The following CUL5 variants were observed in gnomAD, a reference collection of about 807,000 sequenced individuals.
CUL5 encodes the protein cullin 5, also known as cullin-5.
A neutral mutation model predicts 108.8 loss-of-function variants in CUL5; 26 were observed. The observed-to-expected ratio is 0.24, with a 90% CI of 0.18 to 0.33. The LOEUF (loss-of-function observed/expected upper bound fraction) is 0.33, where lower values mean the gene tolerates loss of function less well. CUL5 is among the 10% of genes least tolerant of loss of function. The pLI, the probability that CUL5 is intolerant of heterozygous loss-of-function variation, is 1.00. For missense variants in CUL5, 524 were observed against 909.2 expected (o/e 0.58, Z 5.45); for synonymous variants, 334 against 298.0 (o/e 1.12, Z -1.25).
At chr11:108,040,828 A>G (rs1330507219) in intron 2 of CUL5, among the ~76,000 whole-genome samples, 1 of 152,136 alleles carries the variant, frequency 6.6e-6, no homozygotes, top group African/African-American at 2.4e-5. Context: ...ACAGCAAGGC[A>G]GAGAAGTAAC....
At chr11:108,059,256 G>A (rs1276331720) in intron 7 of CUL5, among the ~76,000 whole-genome samples, 1 of 152,116 alleles carries the variant, frequency 6.6e-6, no homozygotes, top group Admixed American at 6.6e-5. Context: ...TATTTCCTGG[G>A]GAAATTCAAT....
chr11:108,094,622 G>C (rs1175414160), intron 14 of CUL5, 108 bp downstream of exon 14: 2 of 820,520 alleles, frequency 2.4e-6, no homozygotes, highest in East Asian at 2.9e-5. Flanking sequence ...AAGATGTTAT[G>C]AAGTCCATTT....
chr11:108,022,353 A>G (rs1460840137), intron 1 of CUL5, among the ~76,000 whole-genome samples: 2 of 152,074 alleles, frequency 1.3e-5, no homozygotes, highest in African/African-American at 4.8e-5. Flanking sequence ...ATTTTTGTTT[A>G]CATTCTTGTG....
chr11:108,028,779 G>A (rs891729368), intron 1 of CUL5, among the ~76,000 whole-genome samples: 8 of 151,936 alleles, frequency 5.3e-5, no homozygotes, highest in Admixed American at 2.0e-4. Context: ...AGCCGAGATC[G>A]CCCCATTGTA....
chr11:108,091,996 G>A (rs1230590555), intron 13 of CUL5, among the ~76,000 whole-genome samples: 1 of 152,130 alleles, frequency 6.6e-6, no homozygotes, highest in Non-Finnish European at 1.5e-5. Context: ...AATCAGCTAG[G>A]CATGGTGATG....
intron 2 of CUL5, among the ~76,000 whole-genome samples, chr11:108,034,317 G>A (rs1395458825): frequency 1.3e-5 from 2 of 152,162 alleles, no homozygotes; most frequent in Admixed American, 6.5e-5. Flanking sequence ...TGGAGACTCA[G>A]TACTCAGGAT....
chr11:108,060,874 T>C lies in CUL5; in HGVS notation c.780+5919T>C, dbSNP rs1017781025. Reference sequence around the variant, plus strand: ...TCTACCATGTCTCGTAGCCTACCTGTCTCACCTTTCATTTTCCAGACCTAT... The same window carrying C: ...TCTACCATGTCTCGTAGCCTACCTGCCTCACCTTTCATTTTCCAGACCTAT... On this transcript the variant is annotated intron_variant, in intron 7 of 18. Coordinates refer to ENST00000393094, the MANE Select transcript of CUL5 (RefSeq NM_003478.6). 5.3e-5 allele frequency among the ~76,000 whole-genome samples: 8 copies of C among 152,118 alleles called. No individual in the cohort carries two copies. In the South Asian group the frequency reaches 1.5e-3, roughly 28 times the overall value.
chr11:108,068,985 T>G (rs186368549), intron 7 of CUL5, among the ~76,000 whole-genome samples: 1 of 152,228 alleles, frequency 6.6e-6, no homozygotes, highest in Admixed American at 6.5e-5. Context: ...GGGCCAGGCC[T>G]GATGGTTCAC....
At chr11:108,052,892 C>T in intron 5 of CUL5, 91 bp downstream of exon 5, 2 of 1,093,760 alleles carry the variant, frequency 1.8e-6, no homozygotes, top group Admixed American at 3.0e-5. Flanking sequence ...AGTTTATTGG[C>T]ATACAAAGTT....
intron 1 of CUL5, among the ~76,000 whole-genome samples, chr11:108,023,260 A>G (rs1051445816): frequency 1.3e-5 from 2 of 152,188 alleles, no homozygotes; most frequent in Admixed American, 1.3e-4. Context: ...AAACAAAACA[A>G]ACAAAAAAAA....
intron 1 of CUL5, among the ~76,000 whole-genome samples, chr11:108,013,147 C>T (rs1862095018): frequency 6.6e-6 from 1 of 152,098 alleles, no homozygotes; most frequent in Admixed American, 6.5e-5. Context: ...TTGCTCATTT[C>T]CTCTGCTTCT....
At chr11:108,013,471 C>T (rs1862103792) in intron 1 of CUL5, among the ~76,000 whole-genome samples, 1 of 152,178 alleles carries the variant, frequency 6.6e-6, no homozygotes, top group Non-Finnish European at 1.5e-5. Flanking sequence ...CTAGTATTCT[C>T]TCTCTCTGTC....
chr11:108,077,917 C>G (rs924642376), intron 10 of CUL5, among the ~76,000 whole-genome samples: 8 of 152,104 alleles, frequency 5.3e-5, no homozygotes, highest in African/African-American at 1.4e-4. Flanking sequence ...CCACTGCACT[C>G]CAGCCTGGTC....
At chr11:108,048,365 A>G (rs765781735) in intron 3 of CUL5, among the ~76,000 whole-genome samples, 2 of 152,146 alleles carry the variant, frequency 1.3e-5, no homozygotes, top group East Asian at 1.9e-4. Flanking sequence ...GGCTGGTCTC[A>G]GATGAATTTG....
rs111925498 is a variant in CUL5, at chr11:108,095,088, A to G, written c.1743+101A>G. On this transcript the variant is annotated intron_variant, in intron 15 of 18. Transcript: ENST00000393094. ...CAAAATAGATTTTTGCCTCTCTCAC[A>G]TGTAAAAGTTTGAGCAGAAATAGTG... 15 of 1,000,234 alleles carry G rather than the reference A, an allele frequency of 1.5e-5. No homozygotes were observed. The African/African-American group carries it at 2.0e-4, about 13-fold the overall frequency. The allele number at this position is 1,000,234 out of a possible 1,614,324, so 62.0% of individuals were successfully genotyped here.
Position 108,054,038 on chromosome 11 carries a change from G to A in CUL5, c.554-609G>A, listed in dbSNP as rs1163352992. Among the ~76,000 whole-genome samples the A allele has an allele frequency of 5.3e-5, 8 of 152,100 alleles. No individual in the cohort carries two copies. The South Asian group carries it at 1.7e-3, about 32-fold the overall frequency. On this transcript the variant is annotated intron_variant, in intron 5 of 18. Coordinates refer to ENST00000393094, the MANE Select transcript of CUL5 (RefSeq NM_003478.6). ...TGTTTGTATTTTTAGTAGAGACGGGGTTTTGCCATAGTGGCCAGGCTGGTC... is the reference window on the plus strand; with the variant it reads ...TGTTTGTATTTTTAGTAGAGACGGGATTTTGCCATAGTGGCCAGGCTGGTC...
chr11:108,038,559 C>G (rs1441805237), intron 2 of CUL5, among the ~76,000 whole-genome samples: 1 of 151,676 alleles, frequency 6.6e-6, no homozygotes, highest in Admixed American at 6.6e-5. Context: ...TCAGTAATTC[C>G]AGCTACTTGG....
intron 11 of CUL5, among the ~76,000 whole-genome samples, chr11:108,083,252 G>A (rs1864141925): frequency 6.6e-6 from 1 of 152,160 alleles, no homozygotes; most frequent in Non-Finnish European, 1.5e-5. Flanking sequence ...TCACTATGCT[G>A]AATAGCAGTT....
At chr11:108,038,886 TTGAC>T (rs147601710) in intron 2 of CUL5, among the ~76,000 whole-genome samples, 2,350 of 152,280 alleles carry the variant, frequency 0.015, 53 homozygotes, top group African/African-American at 0.054. Context: ...TTAAGGTACA[TTGAC>T]TGAGATTTTC....
Sources: allele counts gnomAD v4.1 joint callset (sites outside exome capture counted in the v4.1 genomes callset), GRCh38; gene constraint gnomAD v4.1.1; transcripts MANE v1.5; gene names NCBI Gene and HGNC (gene_info 2026-07-23, HGNC 2026-07-21).